The following PEAK1 variants were observed in gnomAD, a reference collection of about 807,000 sequenced individuals.
PEAK1 encodes pseudopodium enriched atypical kinase 1.
In PEAK1, 54 loss-of-function variants were observed where a neutral mutation model predicts 124.7. The observed-to-expected ratio is 0.43, with a 90% CI of 0.35 to 0.54. The LOEUF is 0.54. PEAK1 is among the 20% of genes least tolerant of loss of function. The pLI, the probability that PEAK1 is intolerant of heterozygous loss-of-function variation, is 0.01. For missense variants in PEAK1, 2,046 were observed against 2,134.5 expected (o/e 0.96, Z 0.82); for synonymous variants, 719 against 760.0 (o/e 0.95, Z 0.89).
chr15:77,347,794 T>C, intron 2 of PEAK1: 1 of 984,972 alleles, frequency 1.0e-6, no homozygotes, highest in Non-Finnish European at 1.2e-6. Context: ...GTATAGATCA[T>C]CTGTTTTCCT....
chr15:77,196,671 C>G (rs1361902362), intron 6 of PEAK1, among the ~76,000 whole-genome samples: 1 of 151,950 alleles, frequency 6.6e-6, no homozygotes, highest in Non-Finnish European at 1.5e-5. Context: ...GTGTTTTCCC[C>G]CAGATAATAG....
At chr15:77,170,909 G>C (rs1596455578) in intron 7 of PEAK1, among the ~76,000 whole-genome samples, 2 of 152,114 alleles carry the variant, frequency 1.3e-5, no homozygotes, top group African/African-American at 2.4e-5. Flanking sequence ...AGGTAGGTAG[G>C]TACCATTTTA....
intron 6 of PEAK1, among the ~76,000 whole-genome samples, chr15:77,219,785 T>C (rs921863261): frequency 1.3e-5 from 2 of 152,130 alleles, no homozygotes; most frequent in East Asian, 3.8e-4. Context: ...CTGAAAACAA[T>C]ATGTAGCAAT....
intron 6 of PEAK1, among the ~76,000 whole-genome samples, chr15:77,191,496 T>A (rs892278862): frequency 6.6e-6 from 1 of 152,172 alleles, no homozygotes. Context: ...TCAGTTATCA[T>A]GGATGATTTA....
rs187333279 is a variant in PEAK1 at position 77,173,687 on chromosome 15, C to A, written c.3137+5103G>T. 2.6e-5 allele frequency among the ~76,000 whole-genome samples: 4 copies of A among 152,270 alleles called. No homozygotes were observed. The East Asian group carries it at 7.7e-4, about 29-fold the overall frequency. ...CCTTCTGAGTTTGAATGTTTTACAC[C>A]CACTGGATTATTCATTATCCTTTTC... On this transcript the variant is annotated intron_variant, in intron 7 of 9. Coordinates refer to ENST00000682557, the MANE Select transcript of PEAK1 (RefSeq NM_001385026.1).
intron 8 of PEAK1, among the ~76,000 whole-genome samples, chr15:77,143,512 A>C (rs145368719): frequency 3.0e-3 from 451 of 152,268 alleles, no homozygotes; most frequent in Non-Finnish European, 5.6e-3. Flanking sequence ...TCTGGCCCCG[A>C]TATACCTGTT....
Position 77,114,113 on chromosome 15 carries a change from T to C in PEAK1, c.*43A>G. 6.3e-7 allele frequency: 1 copy of C among 1,583,010 alleles called. No individual in the cohort carries two copies. The highest frequency in any genetic ancestry group is 1.7e-4 in the Middle Eastern group (1 of 5,946). On this transcript the variant is annotated 3_prime_UTR_variant, in exon 10 of 10. Coordinates refer to ENST00000682557, the MANE Select transcript of PEAK1 (RefSeq NM_001385026.1). ...AGGGAGGGGAAGTGCATGGGTGACA[T>C]GAAGAAGGTGAAGATGTAGTAAAAG...
chr15:77,352,809 GAAGA>G, intron 2 of PEAK1: 1 of 984,694 alleles, frequency 1.0e-6, no homozygotes, highest in African/African-American at 1.7e-5. Context: ...AAAGCAATTT[GAAGA>G]TAGATGTGCC....
chr15:77,249,301 A>G (rs564990088), intron 6 of PEAK1, among the ~76,000 whole-genome samples: 30 of 152,050 alleles, frequency 2.0e-4, no homozygotes, highest in African/African-American at 7.2e-4. Flanking sequence ...GTAAGAATAT[A>G]CTCCCCTACC....
chr15:77,139,927 C>T (rs745714854), intron 8 of PEAK1, among the ~76,000 whole-genome samples: 18 of 152,012 alleles, frequency 1.2e-4, no homozygotes, highest in South Asian at 6.2e-4. Context: ...AGCTTCAAGG[C>T]GGCCAGAGCT....
chr15:77,360,386 C>T lies in PEAK1; in HGVS notation c.-603+4777G>A, dbSNP rs573718782. Among the ~76,000 whole-genome samples the T allele has an allele frequency of 1.9e-4, 29 of 152,246 alleles. No individual in the cohort carries two copies. In the East Asian group the frequency reaches 5.0e-3, roughly 26 times the overall value. On this transcript the variant is annotated intron_variant, in intron 2 of 9. Transcript: ENST00000682557. ...AAAAAAATAAATAAGTAAATAAATA[C>T]TTTTGTGCTTCAAAGGACAATATCA...
intron 6 of PEAK1, among the ~76,000 whole-genome samples, chr15:77,239,607 T>C (rs902588718): frequency 1.3e-5 from 2 of 152,208 alleles, no homozygotes; most frequent in African/African-American, 4.8e-5. Flanking sequence ...AGTAAGTAGA[T>C]GAAAAACATG....
chr15:77,307,131 C>A (rs891477993), intron 2 of PEAK1, among the ~76,000 whole-genome samples: 2 of 151,930 alleles, frequency 1.3e-5, no homozygotes, highest in African/African-American at 2.4e-5. Flanking sequence ...CATAAGTAAC[C>A]TTCATGCATT....
At chr15:77,337,587 C>A (rs1597350533) in intron 2 of PEAK1, 9 of 985,346 alleles carry the variant, frequency 9.1e-6, no homozygotes, top group Non-Finnish European at 9.6e-6. Flanking sequence ...TTAACTTTCA[C>A]TTACCTCAGA....
At chr15:77,370,145 T>C (rs536955671) in intron 1 of PEAK1, among the ~76,000 whole-genome samples, 1 of 152,306 alleles carries the variant, frequency 6.6e-6, no homozygotes, top group South Asian at 2.1e-4. Context: ...ATTAAGCTAC[T>C]AGCATTCCTG....
At chr15:77,342,582 A>AT (rs898235145) in intron 2 of PEAK1, among the ~76,000 whole-genome samples, 5 of 151,668 alleles carry the variant, frequency 3.3e-5, no homozygotes, top group Non-Finnish European at 5.9e-5. Flanking sequence ...ATTTTTAAAA[A>AT]TTTTTTTGTA....
intron 1 of PEAK1, chr15:77,401,887 T>C (rs1176205240): frequency 2.0e-6 from 2 of 985,292 alleles, no homozygotes; most frequent in East Asian, 2.3e-4. Flanking sequence ...AGAAGCAAGA[T>C]ACAGAAGTAG....
intron 5 of PEAK1, among the ~76,000 whole-genome samples, chr15:77,261,701 G>C (rs1037762692): frequency 1.3e-5 from 2 of 152,158 alleles, no homozygotes; most frequent in Non-Finnish European, 2.9e-5. Flanking sequence ...TATTATCCAG[G>C]AGAACTTCCC....
Position 77,153,244 on chromosome 15 carries a change from C to G in PEAK1, c.3331+5259G>C, listed in dbSNP as rs2054817093. ...TGGGTGTATGTGTCGAGGAATTTAT[C>G]CATTTCTTCTAGGTTTTCCAGTTTA... On this transcript the variant is annotated intron_variant, in intron 8 of 9. Coordinates refer to ENST00000682557, the MANE Select transcript of PEAK1 (RefSeq NM_001385026.1). Among the ~76,000 whole-genome samples the G allele has an allele frequency of 2.0e-5, 3 of 152,284 alleles. No individual in the cohort carries two copies. In the South Asian group the frequency reaches 6.2e-4, roughly 32 times the overall value.
Sources: allele counts gnomAD v4.1 joint callset (sites outside exome capture counted in the v4.1 genomes callset), GRCh38; gene constraint gnomAD v4.1.1; transcripts MANE v1.5; gene names NCBI Gene and HGNC (gene_info 2026-07-23, HGNC 2026-07-21).